VWA3B: variants seen among roughly 807,000 people sequenced by gnomAD.
VWA3B encodes von Willebrand factor A domain containing 3B, also known as von Willebrand factor A domain-containing protein 3B.
Under a neutral mutation model 158.3 loss-of-function variants are expected in VWA3B, and 138 were observed. That is an observed-to-expected ratio of 0.87 (90% CI 0.76 to 1.00). VWA3B has a LOEUF of 1.00. Ranked by LOEUF, VWA3B falls within the 50% of genes least tolerant of loss-of-function variation. The pLI is 0.00. For missense variants in VWA3B, 1,555 were observed against 1,565.1 expected (o/e 0.99, Z 0.11); for synonymous variants, 596 against 587.3 (o/e 1.01, Z -0.21).
intron 12 of VWA3B, among the ~76,000 whole-genome samples, chr2:98,199,406 G>C (rs150581116): frequency 1.3e-5 from 2 of 152,082 alleles, no homozygotes; most frequent in African/African-American, 2.4e-5. Context: ...TGTGGATGCC[G>C]GCAGAACACC....
intron 10 of VWA3B, among the ~76,000 whole-genome samples, chr2:98,190,192 A>C (rs1312859532): frequency 1.3e-5 from 2 of 151,858 alleles, no homozygotes; most frequent in Non-Finnish European, 2.9e-5. Flanking sequence ...TATTAGCTCT[A>C]CCTCTTTGTT....
In VWA3B at chr2:98,250,428, C is replaced by T. The variant is rs1287208113; in HGVS notation, c.2784C>T (p.Ser928=). 2 of 1,607,708 alleles carry T rather than the reference C, an allele frequency of 1.2e-6. No homozygotes were observed. The highest frequency in any genetic ancestry group is 1.1e-5 in the South Asian group (1 of 90,232). Residue 928 remains serine (S), a synonymous_variant, in exon 20 of 28, where the codon TCC becomes TCT. Coordinates refer to ENST00000477737, the MANE Select transcript of VWA3B (RefSeq NM_144992.5). ...GAAAAGTGGAACAGGCAATTCAATC[C>T]TATGAAAAGTGAGTATTACTCTTGG... ...YKRKVEQAIQ[S]YEKRLNKIVW... is the part of the protein sequence containing the mutation.
intron 7 of VWA3B, among the ~76,000 whole-genome samples, chr2:98,152,201 T>C (rs1677693294): frequency 6.6e-6 from 1 of 152,214 alleles, no homozygotes. Flanking sequence ...GGTTATGCCA[T>C]GGGGCCTGTT....
At position 98,278,980 on chromosome 2, in the gene VWA3B, G is replaced by A. The variant is rs183370298; in HGVS notation, c.3045+8097G>A. On this transcript the variant is annotated intron_variant, in intron 22 of 27. Coordinates refer to ENST00000477737, the MANE Select transcript of VWA3B (RefSeq NM_144992.5). Reference sequence around the variant, plus strand: ...GATGTGTGCACATTCAGACCATGCCGTCCTCAGACAGCACTGCAGTGATGG... The same window carrying A: ...GATGTGTGCACATTCAGACCATGCCATCCTCAGACAGCACTGCAGTGATGG... Among the ~76,000 whole-genome samples, 45 of 152,280 alleles carry A rather than the reference G, an allele frequency of 3.0e-4. No homozygotes were observed. The East Asian group carries it at 3.1e-3, about 10-fold the overall frequency.
chr2:98,207,179 GA>G, intron 12 of VWA3B: 1 of 550,184 alleles, frequency 1.8e-6, no homozygotes, highest in Non-Finnish European at 3.7e-6. Flanking sequence ...ATGATGTGGG[GA>G]AAGAATTGCC....
intron 14 of VWA3B, among the ~76,000 whole-genome samples, chr2:98,218,563 A>G (rs770334538): frequency 6.6e-6 from 1 of 152,256 alleles, no homozygotes. Context: ...CTCTCAGACT[A>G]TATAACCATT....
chr2:98,184,299 G>T (rs1203399197), intron 9 of VWA3B, among the ~76,000 whole-genome samples: 1 of 152,256 alleles, frequency 6.6e-6, no homozygotes. Context: ...CATCCTTGCA[G>T]GGCAGCGGAG....
At chr2:98,209,178 A>C (rs1683280778) in intron 12 of VWA3B, among the ~76,000 whole-genome samples, 1 of 151,996 alleles carries the variant, frequency 6.6e-6, no homozygotes, top group African/African-American at 2.4e-5. Context: ...ATTTAAATAC[A>C]ATGTGTCTTG....
At chr2:98,138,930 T>C (rs1014205292) in intron 7 of VWA3B, among the ~76,000 whole-genome samples, 19 of 152,248 alleles carry the variant, frequency 1.2e-4, no homozygotes, top group Non-Finnish European at 2.5e-4. Context: ...AGTCCGCCGC[T>C]GCACTGTGGG....
chr2:98,286,679 A>G (rs2105935917), intron 22 of VWA3B, among the ~76,000 whole-genome samples: 1 of 152,218 alleles, frequency 6.6e-6, no homozygotes, highest in East Asian at 1.9e-4. Context: ...TTTATTTGCT[A>G]TATTTTCTTA....
Position 98,299,443 on chromosome 2 carries a change from C to T in VWA3B, c.3283-636C>T, listed in dbSNP as rs78073175. On this transcript the variant is annotated intron_variant, in intron 24 of 27. Transcript: ENST00000477737. ...GAAATCCTTGCAGAGCACCCTGCTGCTGTCTTGCCCAGTGTGAGCCGGGAG... is the reference window on the plus strand; with the variant it reads ...GAAATCCTTGCAGAGCACCCTGCTGTTGTCTTGCCCAGTGTGAGCCGGGAG... Among the ~76,000 whole-genome samples the T allele has an allele frequency of 7.9e-3, 1,204 of 152,314 alleles. 15 individuals are homozygous for T. The highest frequency in any genetic ancestry group is 0.027 in the African/African-American group (1,133 of 41,576).
chr2:98,268,307 A>C (rs916184945), intron 21 of VWA3B, among the ~76,000 whole-genome samples: 1 of 152,018 alleles, frequency 6.6e-6, no homozygotes, highest in Admixed American at 6.6e-5. Flanking sequence ...TACTGGCAAA[A>C]TGAATCCAGC....
intron 21 of VWA3B, among the ~76,000 whole-genome samples, chr2:98,260,365 A>G (rs1687406567): frequency 1.3e-5 from 2 of 151,716 alleles, no homozygotes; most frequent in South Asian, 2.1e-4. Context: ...TGTATTTGGG[A>G]TCTGCATCCA....
intron 14 of VWA3B, among the ~76,000 whole-genome samples, chr2:98,221,391 C>T (rs1395528110): frequency 3.3e-5 from 5 of 152,168 alleles, no homozygotes; most frequent in Non-Finnish European, 5.9e-5. Context: ...TGTCCTGCTC[C>T]AGTCATATAC....
chr2:98,246,289 G>A (rs976296522), intron 19 of VWA3B, among the ~76,000 whole-genome samples: 1 of 152,066 alleles, frequency 6.6e-6, no homozygotes, highest in Non-Finnish European at 1.5e-5. Context: ...GCAGCCACCT[G>A]TGCAACTCCT....
At chr2:98,191,165 G>T (rs957220381) in intron 10 of VWA3B, among the ~76,000 whole-genome samples, 1 of 152,084 alleles carries the variant, frequency 6.6e-6, no homozygotes, top group African/African-American at 2.4e-5. Context: ...TTCAGATATT[G>T]TATCTCTCTA....
intron 12 of VWA3B, among the ~76,000 whole-genome samples, chr2:98,198,581 A>G (rs997765570): frequency 6.6e-6 from 1 of 151,858 alleles, no homozygotes; most frequent in Admixed American, 6.6e-5. Context: ...GTGATAGTTC[A>G]TGGATTTTGA....
At chr2:98,162,636 T>C (rs1473788076) in intron 7 of VWA3B, among the ~76,000 whole-genome samples, 1 of 152,262 alleles carries the variant, frequency 6.6e-6, no homozygotes, top group African/African-American at 2.4e-5. Context: ...AAGGATTTAT[T>C]GTATCCTAAA....
intron 26 of VWA3B, among the ~76,000 whole-genome samples, chr2:98,304,826 C>A (rs748714292): frequency 3.9e-5 from 6 of 152,078 alleles, no homozygotes; most frequent in Non-Finnish European, 8.8e-5. Context: ...ACACGCAGCA[C>A]CCACAAACAC....
Sources: allele counts gnomAD v4.1 joint callset (sites outside exome capture counted in the v4.1 genomes callset), GRCh38; gene constraint gnomAD v4.1.1; transcripts MANE v1.5; gene names NCBI Gene and HGNC (gene_info 2026-07-23, HGNC 2026-07-21).